Variants in TENM1 observed in about 807,000 individuals in gnomAD.
TENM1 encodes teneurin-1.
In TENM1, 35 loss-of-function variants were observed where a neutral mutation model predicts 174.8. The observed-to-expected ratio is 0.20, with a 90% CI of 0.15 to 0.27. TENM1 has a LOEUF of 0.27. Ranked by LOEUF, TENM1 falls within the 10% of genes least tolerant of loss-of-function variation. The pLI is 1.00. For synonymous variants in TENM1, 781 were observed against 798.7 expected (o/e 0.98, Z 0.37); for missense variants, 1,633 against 2,130.1 (o/e 0.77, Z 4.59).
At chrX:125,187,554 C>A in the TENM1 span, among the ~76,000 whole-genome samples, 2 of 111,483 alleles carry the variant, frequency 1.8e-5, no homozygotes, top group East Asian at 5.6e-4. Context: ...TACTAAGCAG[C>A]CATTAAACAT....
rs185612491 is a variant in TENM1, at chrX:124,581,304, A to G, written c.2078-15744T>C. Among the ~76,000 whole-genome samples, 46 of 110,293 alleles carry G rather than the reference A, an allele frequency of 4.2e-4. No homozygotes were observed. In the East Asian group the frequency reaches 0.012, roughly 28 times the overall value. ...ATGGTCTCCATCTCCTCACCTGGTGATCCACCCACCCCAACCTCCCAAAGT... is the reference window on the plus strand; with the variant it reads ...ATGGTCTCCATCTCCTCACCTGGTGGTCCACCCACCCCAACCTCCCAAAGT... On this transcript the variant is annotated intron_variant, in intron 11 of 31. Transcript: ENST00000422452.
chrX:124,957,562 C>T (rs1390558953), intron 1 of TENM1, among the ~76,000 whole-genome samples: 5 of 80,638 alleles, frequency 6.2e-5, no homozygotes, highest in Admixed American at 3.3e-4. Context: ...CCAGCCTGGG[C>T]GACAAAACTC....
intron 3 of TENM1, among the ~76,000 whole-genome samples, chrX:124,839,027 TA>T (rs997091109): frequency 9.0e-6 from 1 of 110,601 alleles, no homozygotes; most frequent in African/African-American, 3.3e-5. Context: ...TTTGTGTGGT[TA>T]AAAAAAAGAT....
At chrX:124,468,029 T>C (rs2061259465) in intron 22 of TENM1, among the ~76,000 whole-genome samples, 1 of 110,491 alleles carries the variant, frequency 9.1e-6, no homozygotes, top group Admixed American at 9.6e-5. Context: ...AAAGTGCTGA[T>C]ATTTCTAAAC....
intron 22 of TENM1, among the ~76,000 whole-genome samples, chrX:124,462,432 G>GTGTGT: frequency 1.2e-5 from 1 of 86,181 alleles, no homozygotes; most frequent in African/African-American, 4.7e-5. Flanking sequence ...GTGTGTGTGT[G>GTGTGT]GGGGGGGTGG....
intron 19 of TENM1, among the ~76,000 whole-genome samples, chrX:124,502,108 T>C (rs1407520894): frequency 8.9e-6 from 1 of 112,273 alleles, no homozygotes; most frequent in Admixed American, 9.4e-5. Context: ...GTTTTGGTGA[T>C]GGTTGCACAA....
At chrX:125,093,320 G>A in the TENM1 span, among the ~76,000 whole-genome samples, 1 of 111,331 alleles carries the variant, frequency 9.0e-6, no homozygotes, top group Non-Finnish European at 1.9e-5. Flanking sequence ...AGCACAAAGA[G>A]TCACTTCCTC....
rs775172832 is a variant in TENM1, at chrX:124,468,562, T to C, written c.3949+13170A>G. On this transcript the variant is annotated intron_variant, in intron 22 of 31. Coordinates refer to ENST00000422452, the Ensembl canonical transcript of TENM1. ...TCCCTATCCTCTTTTTCCTTCCTTC[T>C]CCAGAGGTAACTACTGTCCTGAAGT... Among the ~76,000 whole-genome samples, 6 of 112,414 alleles carry C rather than the reference T, an allele frequency of 5.3e-5. No homozygotes were observed. The South Asian group carries it at 2.2e-3, about 41-fold the overall frequency.
intron 3 of TENM1, among the ~76,000 whole-genome samples, chrX:124,862,546 A>C (rs2056932560): frequency 1.8e-5 from 2 of 111,138 alleles, no homozygotes; most frequent in Admixed American, 1.9e-4. Context: ...AACTCAGCAG[A>C]CAACCACCCA....
intron 15 of TENM1, among the ~76,000 whole-genome samples, chrX:124,544,134 A>C (rs955695696): frequency 5.3e-5 from 6 of 112,901 alleles, no homozygotes; most frequent in African/African-American, 1.9e-4. Context: ...ACTAAAAAGC[A>C]AAGTGGTTTG....
intron 27 of TENM1, among the ~76,000 whole-genome samples, chrX:124,398,341 G>A (rs932988293): frequency 8.1e-5 from 8 of 98,678 alleles, no homozygotes; most frequent in Non-Finnish European, 1.5e-4. Context: ...TAATTCCACA[G>A]ATTTTTTTTT....
the TENM1 span, among the ~76,000 whole-genome samples, chrX:125,098,586 C>G: frequency 8.9e-6 from 1 of 111,894 alleles, no homozygotes; most frequent in Non-Finnish European, 1.9e-5. Context: ...AAGACAACAA[C>G]AAGAAAATGC....
intron 28 of TENM1, among the ~76,000 whole-genome samples, chrX:124,391,498 A>G (rs1057206478): frequency 9.0e-6 from 1 of 111,333 alleles, no homozygotes; most frequent in African/African-American, 3.3e-5. Context: ...ACAGGCCACA[A>G]GCTCCCATTA....
At chrX:124,793,868 A>C (rs1285432356) in intron 3 of TENM1, among the ~76,000 whole-genome samples, 1 of 110,812 alleles carries the variant, frequency 9.0e-6, no homozygotes, top group Non-Finnish European at 1.9e-5. Context: ...GAAATGACTC[A>C]GTTTCTTTTA....
the TENM1 span, among the ~76,000 whole-genome samples, chrX:125,150,425 G>A: frequency 0.024 from 2,680 of 111,481 alleles, 90 homozygotes; most frequent in African/African-American, 0.084. Flanking sequence ...TTCCTTTCAC[G>A]TGGCCTCTGT....
At chrX:125,146,073 C>T in the TENM1 span, among the ~76,000 whole-genome samples, 2 of 111,940 alleles carry the variant, frequency 1.8e-5, no homozygotes, top group African/African-American at 6.5e-5. Flanking sequence ...AACCTGTCTA[C>T]CCAAAGTAAA....
chrX:124,877,353 C>G (rs2057223255), intron 3 of TENM1, among the ~76,000 whole-genome samples: 1 of 111,895 alleles, frequency 8.9e-6, no homozygotes, highest in African/African-American at 3.2e-5. Flanking sequence ...GCTCTTTTAA[C>G]TTTCAACCCC....
intron 19 of TENM1, among the ~76,000 whole-genome samples, chrX:124,501,737 G>A (rs781480012): frequency 4.5e-5 from 5 of 111,194 alleles, no homozygotes; most frequent in Non-Finnish European, 7.6e-5. Flanking sequence ...TTCTAAATTG[G>A]TCTTCCCAAA....
At chrX:125,009,843 T>C in the TENM1 span, among the ~76,000 whole-genome samples, 1 of 111,751 alleles carries the variant, frequency 8.9e-6, no homozygotes, top group Non-Finnish European at 1.9e-5. Flanking sequence ...CCCTTCATGT[T>C]AAAAACTCTC....
Sources: gnomAD v4.1 joint callset for allele counts (sites outside exome capture counted in the v4.1 genomes callset) on GRCh38, gnomAD v4.1.1 for gene constraint, MANE v1.5 for transcripts, NCBI Gene and HGNC (gene_info 2026-07-23, HGNC 2026-07-21) for gene names.